The following CDKN1A variants were observed in gnomAD, a reference collection of about 807,000 sequenced individuals.
CDKN1A encodes the protein cyclin dependent kinase inhibitor 1A.
A neutral mutation model predicts 14.8 loss-of-function variants in CDKN1A; 14 were observed. The observed-to-expected ratio is 0.94, with a 90% CI of 0.62 to 1.48. The LOEUF (loss-of-function observed/expected upper bound fraction) is 1.48. Ranked by LOEUF, CDKN1A falls within the 40% of genes most tolerant of loss-of-function variation. The probability of loss-of-function intolerance (pLI) is 0.00; values close to 1 mark genes in which losing one functional copy is unlikely to be tolerated. For missense variants in CDKN1A, 203 were observed against 231.7 expected (o/e 0.88, Z 0.80); for synonymous variants, 92 against 93.5 (o/e 0.98, Z 0.09).
At position 36,686,811 on chromosome 6, in the gene CDKN1A, G is replaced by A. The variant is rs1762222724; in HGVS notation, c.*1011G>A. The A allele has an allele frequency of 4.3e-6, 1 of 233,910 alleles. No individual in the cohort carries two copies. The highest frequency in any genetic ancestry group is 8.5e-6 in the Non-Finnish European group (1 of 118,224). 14.5% of individuals were successfully genotyped at this position (233,910 alleles called of 1,614,324 possible). A position where few individuals can be genotyped will look rare whatever the true frequency, so the allele number is the denominator to read the frequency against. ...GTGGGGGTGAGGGTCCCATGTGGTGGCACAGGCCCCCTTGAGTGGGGTTAT... is the reference window on the plus strand; with the variant it reads ...GTGGGGGTGAGGGTCCCATGTGGTGACACAGGCCCCCTTGAGTGGGGTTAT... On this transcript the variant is annotated 3_prime_UTR_variant, in exon 3 of 3. Transcript: ENST00000244741. This position sits in a 1 kb window ranked among gnomAD's most constrained non-coding sequence, Gnocchi z 4.9.
At chr6:36,677,785 T>G, upstream of CDKN1A, 1 of 912,486 alleles carries the variant, frequency 1.1e-6, no homozygotes, top group South Asian at 1.4e-5. Context: ...TGATCTGAGT[T>G]AGGTCACCAG....
At position 36,684,207 on chromosome 6, in the gene CDKN1A, G is replaced by A; in HGVS notation, c.106G>A (p.Ala36Thr). 1 of 1,611,976 alleles carries A rather than the reference G, an allele frequency of 6.2e-7. No homozygotes were observed. Among genetic ancestry groups the A allele is most frequent in the Non-Finnish European group, 8.5e-7 (1 of 1,179,998 alleles). Residue 36 changes from alanine to threonine, a missense_variant, in exon 2 of 3, where the codon GCG becomes ACG. By Grantham distance (58) the Ala-to-Thr change is moderately conservative (BLOSUM62 0). Coordinates refer to ENST00000244741, the MANE Select transcript of CDKN1A (RefSeq NM_000389.5). The surrounding 1 kb of genome is among the most constrained non-coding windows in gnomAD (Gnocchi z 6.0). ...DSEQLSRDCD[A>T]LMAGCIQEAR... Reference sequence around the variant, plus strand: ...CGAGCAGCTGAGCCGCGACTGTGATGCGCTAATGGCGGGCTGCATCCAGGA... The same window carrying A: ...CGAGCAGCTGAGCCGCGACTGTGATACGCTAATGGCGGGCTGCATCCAGGA...
At chr6:36,683,668 T>G (rs762744991) in intron 1 of CDKN1A, among the ~76,000 whole-genome samples, 2 of 152,198 alleles carry the variant, frequency 1.3e-5, no homozygotes, top group Non-Finnish European at 2.9e-5. Context: ...CTGTTTCTTC[T>G]TTTGGGAATT....
upstream of CDKN1A, among the ~76,000 whole-genome samples, chr6:36,677,371 T>C (rs1461380389): frequency 1.3e-5 from 2 of 152,218 alleles, no homozygotes; most frequent in African/African-American, 4.8e-5. Context: ...TTCCAGACTC[T>C]GAGCAGCCTG....
At chr6:36,681,644 G>A (rs1219637275) in intron 1 of CDKN1A, among the ~76,000 whole-genome samples, 1 of 141,410 alleles carries the variant, frequency 7.1e-6, no homozygotes, top group Non-Finnish European at 1.5e-5. Context: ...CCAGGCTGGA[G>A]TGCAGTGGCG....
chr6:36,681,326 T>TTC (rs1176473274), intron 1 of CDKN1A, among the ~76,000 whole-genome samples: 1 of 123,744 alleles, frequency 8.1e-6, no homozygotes, highest in African/African-American at 3.0e-5. Flanking sequence ...CTTTCTTTCT[T>TTC]TCTTTCTTTT....
chr6:36,687,222 A>C lies in CDKN1A; in HGVS notation c.*1422A>C. 1 of 233,118 alleles carries C rather than the reference A, an allele frequency of 4.3e-6. No homozygotes were observed. Among genetic ancestry groups the C allele is most frequent in the Non-Finnish European group, 8.5e-6 (1 of 118,008 alleles). 14.4% of individuals were successfully genotyped at this position (233,118 alleles called of 1,614,324 possible). On this transcript the variant is annotated 3_prime_UTR_variant, in exon 3 of 3. Transcript: ENST00000244741. ...GTTCCCGTTTCTCCACCTAGACTGT[A>C]AACCTCTCGAGGGCAGGGACCACAC...
intron 1 of CDKN1A, among the ~76,000 whole-genome samples, chr6:36,681,395 T>TTCTCTTTCTCTCTTTCTC: frequency 9.2e-6 from 1 of 108,412 alleles, no homozygotes; most frequent in Admixed American, 1.1e-4. Context: ...CTTTCTTTCT[T>TTCTCTTTCTCTCTTTCTC]TCTTTCTTTC....
Position 36,687,251 on chromosome 6 carries a change from G to C in CDKN1A, c.*1451G>C, listed in dbSNP as rs1036363838. The C allele has an allele frequency of 8.6e-6, 2 of 232,952 alleles. No homozygotes were observed. The highest frequency in any genetic ancestry group is 4.4e-5 in the African/African-American group (2 of 45,320). The allele number at this position is 232,952 out of a possible 1,614,324, so 14.4% of individuals were successfully genotyped here. On this transcript the variant is annotated 3_prime_UTR_variant, in exon 3 of 3. Transcript: ENST00000244741. Reference sequence around the variant, plus strand: ...CTCTCGAGGGCAGGGACCACACCCTGTACTGTTCTGTGTCTTTCACAGCTC... The same window carrying C: ...CTCTCGAGGGCAGGGACCACACCCTCTACTGTTCTGTGTCTTTCACAGCTC...
chr6:36,678,635 C>G, upstream of CDKN1A: 1 of 983,320 alleles, frequency 1.0e-6, no homozygotes, highest in South Asian at 4.7e-5. This position sits in a 1 kb window ranked among gnomAD's most constrained non-coding sequence, Gnocchi z 5.7. Context: ...GCGCGGTGGG[C>G]CGAGCGCGGG....
At chr6:36,679,904 A>G (rs1455600283) in intron 1 of CDKN1A, among the ~76,000 whole-genome samples, 1 of 152,044 alleles carries the variant, frequency 6.6e-6, no homozygotes, top group African/African-American at 2.4e-5. Context: ...CAGGGCCTCT[A>G]TCAGCTGCCT....
At chr6:36,676,509 G>C (rs1285372035), upstream of CDKN1A, 1 of 152,294 alleles carries the variant, frequency 6.6e-6, no homozygotes, top group Non-Finnish European at 1.5e-5. Context: ...TTTGTCCTTG[G>C]GCTGCCTGTT....
At chr6:36,677,923 C>A, upstream of CDKN1A, 1 of 1,344,062 alleles carries the variant, frequency 7.4e-7, no homozygotes, top group African/African-American at 1.5e-5. Context: ...ACAGGGATTT[C>A]TTCTGTTCAG....
At chr6:36,685,258 G>A (rs747583627) in intron 2 of CDKN1A, among the ~76,000 whole-genome samples, 3 of 152,180 alleles carry the variant, frequency 2.0e-5, no homozygotes, top group Admixed American at 6.5e-5. Context: ...AACTACTGAC[G>A]TTTATATGGG....
At position 36,686,702 on chromosome 6, in the gene CDKN1A, T is replaced by C. The variant is rs1762218914; in HGVS notation, c.*902T>C. 12 of 233,876 alleles carry C rather than the reference T, an allele frequency of 5.1e-5. No homozygotes were observed. In the East Asian group the frequency reaches 7.2e-4, roughly 14 times the overall value. The allele number at this position is 233,876 out of a possible 1,614,324, so 14.5% of individuals were successfully genotyped here. On this transcript the variant is annotated 3_prime_UTR_variant, in exon 3 of 3. Coordinates refer to ENST00000244741, the MANE Select transcript of CDKN1A (RefSeq NM_000389.5). This position sits in a 1 kb window ranked among gnomAD's most constrained non-coding sequence, Gnocchi z 4.9. ...CACCCCCACCCCCAGCTCAATGGAC[T>C]GGAAGGGGAAGGGACACACAAGAAG...
chr6:36,678,741 T>C lies in CDKN1A; in HGVS notation c.-63T>C. ...GGTGTGAGCAGCTGCCGAAGTCAGT[T>C]CCTTGTGGAGCCGGAGCTGGGCGCG... On this transcript the variant is annotated 5_prime_UTR_variant, in exon 1 of 3. Transcript: ENST00000244741. The surrounding 1 kb of genome is among the most constrained non-coding windows in gnomAD (Gnocchi z 5.7). The C allele has an allele frequency of 2.0e-6, 2 of 985,556 alleles. No individual in the cohort carries two copies. Among genetic ancestry groups the C allele is most frequent in the African/African-American group, 1.7e-5 (1 of 57,332 alleles). 61.1% of individuals were successfully genotyped at this position (985,556 alleles called of 1,614,324 possible). A position where few individuals can be genotyped will look rare whatever the true frequency, so the allele number is the denominator to read the frequency against.
intron 1 of CDKN1A, among the ~76,000 whole-genome samples, chr6:36,681,393 CTTTCTTTCTTTCTTCCTT>C (rs1562038426): frequency 6.0e-4 from 54 of 90,156 alleles, no homozygotes; most frequent in Middle Eastern, 5.1e-3. Context: ...TTCTTTCTTT[CTTTCTTTCTTTCTTCCTT>C]TCTCTTTCTC....
At chr6:36,678,653 T>A (rs1761774223), upstream of CDKN1A, 1 of 984,558 alleles carries the variant, frequency 1.0e-6, no homozygotes, top group Non-Finnish European at 1.2e-6. The surrounding 1 kb of genome is among the most constrained non-coding windows in gnomAD (Gnocchi z 5.7). Context: ...GGGTCCCGCC[T>A]CCTTGAGGCG....
chr6:36,685,821 A>C lies in CDKN1A; in HGVS notation c.*21A>C, dbSNP rs770267002. On this transcript the variant is annotated 3_prime_UTR_variant, in exon 3 of 3. Coordinates refer to ENST00000244741, the MANE Select transcript of CDKN1A (RefSeq NM_000389.5). Reference sequence around the variant, plus strand: ...CCTAATCCGCCCACAGGAAGCCTGCAGTCCTGGAAGCGCGAGGGCCTCAAA... The same window carrying C: ...CCTAATCCGCCCACAGGAAGCCTGCCGTCCTGGAAGCGCGAGGGCCTCAAA... 2.5e-6 allele frequency: 4 copies of C among 1,613,064 alleles called. No homozygotes were observed. The highest frequency in any genetic ancestry group is 3.4e-6 in the Non-Finnish European group (4 of 1,179,026).
Sources: allele counts gnomAD v4.1 joint callset (sites outside exome capture counted in the v4.1 genomes callset), GRCh38; gene constraint gnomAD v4.1.1; non-coding constraint Gnocchi (gnomAD v3.1); transcripts MANE v1.5; gene names NCBI Gene and HGNC (gene_info 2026-07-23, HGNC 2026-07-21).